SEM1: variants seen among roughly 807,000 people sequenced by gnomAD.
SEM1 encodes SEM1 26S proteasome subunit, also known as 26S proteasome complex subunit SEM1.
In SEM1, 3 loss-of-function variants were observed where a neutral mutation model predicts 12.7. The observed-to-expected ratio is 0.24, with a 90% CI of 0.11 to 0.61. The LOEUF (loss-of-function observed/expected upper bound fraction) is 0.61, where lower values mean the gene tolerates loss of function less well. Ranked by LOEUF, SEM1 falls within the 20% of genes least tolerant of loss-of-function variation. The pLI, the probability that SEM1 is intolerant of heterozygous loss-of-function variation, is 0.88. For synonymous variants in SEM1, 30 were observed against 27.8 expected (o/e 1.08, Z -0.25); for missense variants, 59 against 81.3 (o/e 0.73, Z 1.06).
chr7:96,503,978 A>G (rs986548688), intron 3 of SEM1, among the ~76,000 whole-genome samples: 2 of 151,972 alleles, frequency 1.3e-5, no homozygotes, highest in Non-Finnish European at 2.9e-5. Context: ...TGGCCATGGA[A>G]CCCATGGGTA....
chr7:96,568,927 C>T (rs1805934434), intron 2 of SEM1, among the ~76,000 whole-genome samples: 1 of 151,790 alleles, frequency 6.6e-6, no homozygotes, highest in African/African-American at 2.4e-5. Context: ...TTTCTTGAAA[C>T]TAGTTTGTCA....
chr7:96,592,087 C>T (rs1478568988), intron 2 of SEM1, among the ~76,000 whole-genome samples: 1 of 152,008 alleles, frequency 6.6e-6, no homozygotes, highest in South Asian at 2.1e-4. Context: ...CTGGTATTAT[C>T]AGGACAGAGA....
intron 2 of SEM1, among the ~76,000 whole-genome samples, chr7:96,588,472 T>G (rs1399402280): frequency 6.9e-6 from 1 of 145,336 alleles, no homozygotes; most frequent in Non-Finnish European, 1.5e-5. Flanking sequence ...ACATTAGGTT[T>G]GACATGATAG....
chr7:96,575,263 C>G (rs1430249198), intron 2 of SEM1, among the ~76,000 whole-genome samples: 1 of 152,178 alleles, frequency 6.6e-6, no homozygotes, highest in Admixed American at 6.5e-5. Flanking sequence ...AGGTCCACTC[C>G]AGACCCTGTT....
At chr7:96,497,535 A>C (rs191121043), upstream of SEM1, among the ~76,000 whole-genome samples, 5 of 152,288 alleles carry the variant, frequency 3.3e-5, no homozygotes, top group Admixed American at 1.3e-4. Flanking sequence ...CACATTTGTT[A>C]CTCCTTTTAA....
At chr7:96,636,690 A>G (rs1808438142) in intron 2 of SEM1, among the ~76,000 whole-genome samples, 1 of 152,054 alleles carries the variant, frequency 6.6e-6, no homozygotes, top group African/African-American at 2.4e-5. Flanking sequence ...CCAGTGCTCA[A>G]GTAGCTTGTC....
intron 2 of SEM1, among the ~76,000 whole-genome samples, chr7:96,653,144 T>C (rs540883986): frequency 1.1e-3 from 170 of 152,238 alleles, no homozygotes; most frequent in African/African-American, 4.0e-3. Context: ...CAATAGTAAA[T>C]GGTAAGGCCA....
At chr7:96,565,783 C>T (rs910844124) in intron 2 of SEM1, among the ~76,000 whole-genome samples, 5 of 151,828 alleles carry the variant, frequency 3.3e-5, no homozygotes, top group African/African-American at 9.7e-5. Context: ...CAAGTTGCTT[C>T]CTATCTCTAT....
chr7:96,538,620 G>A lies in SEM1; in HGVS notation c.171-31922C>T, dbSNP rs535330411. Among the ~76,000 whole-genome samples the A allele has an allele frequency of 3.3e-5, 5 of 151,914 alleles. No individual in the cohort carries two copies. The South Asian group carries it at 6.2e-4, about 19-fold the overall frequency. On this transcript the variant is annotated intron_variant and NMD_transcript_variant, in intron 2 of 3. Coordinates refer to the SEM1 transcript ENST00000466986. ...AGCTATGATCTACTATTATACTGAA[G>A]CCCTGTTAATGTGGTGGTGAAGTAT... is the stretch of plus-strand genomic sequence containing the variant.
chr7:96,499,733 A>G (rs772596843), upstream of SEM1, among the ~76,000 whole-genome samples: 1 of 152,216 alleles, frequency 6.6e-6, no homozygotes, highest in Non-Finnish European at 1.5e-5. Context: ...ATAGAGTGGA[A>G]AAACAAACAT....
At position 96,688,816 on chromosome 7, in the gene SEM1, A is replaced by C; in HGVS notation, c.*108T>G. Reference sequence around the variant, plus strand: ...TGTTACAAAAACACAAATAAATCCAAGCAGATAATGAAATAAACACATTTT... The same window carrying C: ...TGTTACAAAAACACAAATAAATCCACGCAGATAATGAAATAAACACATTTT... On this transcript the variant is annotated 3_prime_UTR_variant, in exon 3 of 3. Transcript: ENST00000248566. 1.4e-6 allele frequency: 1 copy of C among 704,616 alleles called. No individual in the cohort carries two copies. Among genetic ancestry groups the C allele is most frequent in the South Asian group, 1.7e-5 (1 of 58,060 alleles). 43.6% of individuals were successfully genotyped at this position (704,616 alleles called of 1,614,324 possible). A position where few individuals can be genotyped will look rare whatever the true frequency, so the allele number is the denominator to read the frequency against.
At chr7:96,616,156 A>G (rs1365009209) in intron 2 of SEM1, among the ~76,000 whole-genome samples, 2 of 152,162 alleles carry the variant, frequency 1.3e-5, no homozygotes, top group Non-Finnish European at 2.9e-5. Flanking sequence ...TTACATTGCC[A>G]CCAAGAGTAC....
intron 1 of SEM1, among the ~76,000 whole-genome samples, chr7:96,707,745 G>T (rs930093742): frequency 6.6e-6 from 1 of 152,074 alleles, no homozygotes; most frequent in African/African-American, 2.4e-5. Context: ...ACTCGCAAAA[G>T]CTGATGAAAG....
intron 2 of SEM1, among the ~76,000 whole-genome samples, chr7:96,551,394 A>G (rs181954699): frequency 1.4e-4 from 21 of 152,276 alleles, no homozygotes; most frequent in Admixed American, 2.6e-4. Flanking sequence ...TCAAATGATA[A>G]GTGTCTTTAT....
At chr7:96,564,593 G>A (rs1388082720) in intron 2 of SEM1, among the ~76,000 whole-genome samples, 2 of 151,890 alleles carry the variant, frequency 1.3e-5, no homozygotes, top group East Asian at 3.9e-4. Context: ...GTGATGGCTG[G>A]GGCTTCTTTC....
Position 96,585,788 on chromosome 7 carries a change from C to T in SEM1, c.171-79090G>A, listed in dbSNP as rs182850444. Among the ~76,000 whole-genome samples, 666 of 152,280 alleles carry T rather than the reference C, an allele frequency of 4.4e-3. 12 individuals are homozygous for T. The highest frequency in any genetic ancestry group is 0.029 in the Admixed American group (441 of 15,298). ...GGAAAGGGAACTCCCTGACCCCTTG[C>T]GCTTCCCGAGTGAGGCAATGCCTCG... On this transcript the variant is annotated intron_variant and NMD_transcript_variant, in intron 2 of 3. Transcript: ENST00000466986.
intron 2 of SEM1, among the ~76,000 whole-genome samples, chr7:96,531,414 TA>T (rs879467250): frequency 1.7e-3 from 214 of 128,056 alleles, no homozygotes; most frequent in African/African-American, 5.8e-3. Flanking sequence ...ATAAAAAATA[TA>T]AAAAAAAAAA....
chr7:96,667,127 G>A (rs1399343184), intron 2 of SEM1, among the ~76,000 whole-genome samples: 1 of 152,188 alleles, frequency 6.6e-6, no homozygotes, highest in African/African-American at 2.4e-5. Flanking sequence ...GGTTGGGACG[G>A]AACTCTCATT....
chr7:96,693,760 T>TTGTGTGTGTGTG (rs566641071), intron 2 of SEM1, among the ~76,000 whole-genome samples: 1,890 of 139,510 alleles, frequency 0.014, 16 homozygotes, highest in African/African-American at 0.03. Context: ...ACAATTCCAC[T>TTGTGTGTGTGTG]TGTGTGTGTG....
Sources: allele counts gnomAD v4.1 joint callset (sites outside exome capture counted in the v4.1 genomes callset), GRCh38; gene constraint gnomAD v4.1.1; transcripts MANE v1.5; gene names NCBI Gene and HGNC (gene_info 2026-07-23, HGNC 2026-07-21).